BCKDHB: variants seen among roughly 807,000 people sequenced by gnomAD.
The protein encoded by BCKDHB is 2-oxoisovalerate dehydrogenase subunit beta, mitochondrial.
Under a neutral mutation model 48.5 loss-of-function variants are expected in BCKDHB, and 41 were observed. The ratio of observed to expected loss-of-function variants is 0.85; its 90% CI spans 0.66 to 1.10. The LOEUF (loss-of-function observed/expected upper bound fraction) is 1.10. Ranked by LOEUF, BCKDHB falls within the 50% of genes least tolerant of loss-of-function variation. The pLI, the probability that BCKDHB is intolerant of heterozygous loss-of-function variation, is 0.00. For synonymous variants in BCKDHB, 201 were observed against 174.8 expected (o/e 1.15, Z -1.18); for missense variants, 496 against 494.2 (o/e 1.00, Z -0.03).
intron 1 of BCKDHB, among the ~76,000 whole-genome samples, chr6:80,111,367 T>C (rs549833964): frequency 2.0e-5 from 3 of 152,220 alleles, no homozygotes; most frequent in Non-Finnish European, 4.4e-5. Context: ...TTTGCACTGC[T>C]AGAGTTTTGC....
In BCKDHB at chr6:80,291,030, G is replaced by C. The variant is rs558575315; in HGVS notation, c.1038+17809G>C. 3.5e-4 allele frequency among the ~76,000 whole-genome samples: 53 copies of C among 152,284 alleles called. No individual in the cohort carries two copies. The Middle Eastern group carries it at 0.014, about 39-fold the overall frequency. On this transcript the variant is annotated intron_variant, in intron 9 of 9. Coordinates refer to ENST00000320393, the MANE Select transcript of BCKDHB (RefSeq NM_183050.4). The stretch of plus-strand genomic sequence containing the variant: ...TTAGCCAGCTTCTTTACTGCAGCCT[G>C]TATAATCAGCAAGGTCTTTATAATC...
intron 3 of BCKDHB, among the ~76,000 whole-genome samples, chr6:80,131,283 C>G (rs1770618512): frequency 6.6e-6 from 1 of 152,220 alleles, no homozygotes; most frequent in South Asian, 2.1e-4. Context: ...TCAGCATTTC[C>G]ACACCTAAGG....
the BCKDHB span, among the ~76,000 whole-genome samples, chr6:80,389,291 C>T: frequency 6.6e-6 from 1 of 152,220 alleles, no homozygotes; most frequent in Non-Finnish European, 1.5e-5. Flanking sequence ...GCAACATTTA[C>T]TTCCACTCAC....
the BCKDHB span, among the ~76,000 whole-genome samples, chr6:80,357,946 A>G: frequency 1.3e-5 from 2 of 152,212 alleles, no homozygotes; most frequent in African/African-American, 4.8e-5. Context: ...CTTAGAAAGT[A>G]TTCATGAGAA....
At chr6:80,391,292 A>G in the BCKDHB span, among the ~76,000 whole-genome samples, 1 of 152,126 alleles carries the variant, frequency 6.6e-6, no homozygotes, top group Non-Finnish European at 1.5e-5. Context: ...CATAATCCCC[A>G]GAACCTGTCA....
chr6:80,148,332 T>A (rs1771587569), intron 3 of BCKDHB, among the ~76,000 whole-genome samples: 2 of 152,150 alleles, frequency 1.3e-5, no homozygotes, highest in Admixed American at 1.3e-4. Context: ...GCATATATGC[T>A]TATTAGTTTC....
chr6:80,119,783 G>A (rs2127716532), intron 1 of BCKDHB, among the ~76,000 whole-genome samples: 1 of 152,156 alleles, frequency 6.6e-6, no homozygotes, highest in African/African-American at 2.4e-5. Context: ...AATAAGACTT[G>A]AAAGTAGAAA....
At chr6:80,240,551 TAAG>T (rs1776339517) in intron 8 of BCKDHB, among the ~76,000 whole-genome samples, 1 of 152,204 alleles carries the variant, frequency 6.6e-6, no homozygotes, top group Admixed American at 6.5e-5. Context: ...CTTATCAGCT[TAAG>T]GAGATTTTGG....
At chr6:80,376,263 C>T in the BCKDHB span, among the ~76,000 whole-genome samples, 4,936 of 152,062 alleles carry the variant, frequency 0.032, 127 homozygotes, top group African/African-American at 0.07. Flanking sequence ...TCTACTTCAT[C>T]GCACAGGTTG....
At position 80,232,279 on chromosome 6, in the gene BCKDHB, C is replaced by CT. The variant is rs879591084; in HGVS notation, c.951+29078dup. On this transcript the variant is annotated intron_variant, in intron 8 of 9. Transcript: ENST00000320393. ...ATGCACTATAGCACTTTCTTTAACC[C>CT]TTTTTTTTTTTAATCTCTACTTCTG... Among the ~76,000 whole-genome samples the CT allele has an allele frequency of 4.7e-3, 694 of 146,134 alleles. 5 individuals are homozygous for CT. Among genetic ancestry groups the CT allele is most frequent in the African/African-American group, 0.016 (658 of 40,028 alleles).
At chr6:80,322,900 T>C (rs563187954) in intron 9 of BCKDHB, among the ~76,000 whole-genome samples, 1 of 145,330 alleles carries the variant, frequency 6.9e-6, no homozygotes, top group Non-Finnish European at 1.5e-5. Flanking sequence ...TTTTTTCTTT[T>C]TTTTTTTTTT....
intron 3 of BCKDHB, among the ~76,000 whole-genome samples, chr6:80,140,582 T>C (rs1409286529): frequency 6.6e-6 from 1 of 152,032 alleles, no homozygotes; most frequent in Non-Finnish European, 1.5e-5. Context: ...TTGTCTTTGG[T>C]TCTGTTTATA....
rs556141669 is a variant in BCKDHB, at chr6:80,123,802, T to C, written c.197-3745T>C. ...CTCTGTTTTCTTCTTTATTAATCTT[T>C]CTAGTGGTCTATCAATTTTGTTGAT... On this transcript the variant is annotated intron_variant, in intron 1 of 9. Transcript: ENST00000320393. 6.6e-5 allele frequency among the ~76,000 whole-genome samples: 10 copies of C among 152,236 alleles called. No homozygotes were observed. In the East Asian group the frequency reaches 1.4e-3, roughly 21 times the overall value.
At chr6:80,160,921 A>G (rs1372914965) in intron 3 of BCKDHB, among the ~76,000 whole-genome samples, 1 of 152,246 alleles carries the variant, frequency 6.6e-6, no homozygotes, top group African/African-American at 2.4e-5. Flanking sequence ...ACTATTGATC[A>G]GCAACAAGTT....
downstream of BCKDHB, among the ~76,000 whole-genome samples, chr6:80,349,184 G>A (rs1005270274): frequency 1.3e-5 from 2 of 152,188 alleles, no homozygotes; most frequent in Admixed American, 1.3e-4. Context: ...AAAGAAGAGT[G>A]TAACTGCATT....
intron 3 of BCKDHB, among the ~76,000 whole-genome samples, chr6:80,136,618 T>C (rs779516321): frequency 8.6e-5 from 13 of 152,030 alleles, no homozygotes; most frequent in Non-Finnish European, 1.8e-4. Flanking sequence ...TGCATCGAAA[T>C]TAAAAATATG....
the BCKDHB span, among the ~76,000 whole-genome samples, chr6:80,366,015 A>C: frequency 6.6e-6 from 1 of 152,210 alleles, no homozygotes; most frequent in Non-Finnish European, 1.5e-5. Flanking sequence ...AAGATGTCTT[A>C]CAGTATATGC....
chr6:80,259,724 G>T (rs1368353070), intron 8 of BCKDHB, among the ~76,000 whole-genome samples: 3 of 152,032 alleles, frequency 2.0e-5, no homozygotes, highest in African/African-American at 7.2e-5. Flanking sequence ...CAGAACTAAA[G>T]GAATACTGTA....
the BCKDHB span, among the ~76,000 whole-genome samples, chr6:80,415,650 G>T: frequency 6.6e-6 from 1 of 151,988 alleles, no homozygotes; most frequent in African/African-American, 2.4e-5. Context: ...AAGCTTTTTG[G>T]TGTGTTGCTG....
Sources: gnomAD v4.1 joint callset for allele counts (sites outside exome capture counted in the v4.1 genomes callset) on GRCh38, gnomAD v4.1.1 for gene constraint, MANE v1.5 for transcripts, NCBI Gene and HGNC (gene_info 2026-07-23, HGNC 2026-07-21) for gene names.